CLCNKA: variants seen among roughly 807,000 people sequenced by gnomAD.
CLCNKA encodes the protein chloride channel protein ClC-Ka.
In CLCNKA, 66 loss-of-function variants were observed where a neutral mutation model predicts 83.3. That is an observed-to-expected ratio of 0.79 (90% CI 0.65 to 0.97). CLCNKA has a LOEUF of 0.97. CLCNKA is among the 50% of genes least tolerant of loss of function. The pLI, the probability that CLCNKA is intolerant of heterozygous loss-of-function variation, is 0.00. For synonymous variants in CLCNKA, 357 were observed against 370.4 expected (o/e 0.96, Z 0.42); for missense variants, 806 against 888.7 (o/e 0.91, Z 1.18).
chr1:16,032,268 C>T lies in CLCNKA; in HGVS notation c.1822C>T (p.Pro608Ser), dbSNP rs1351838919. ...GGTGCAGGCCCTCCAGGCTGAGCCT[C>T]CTTCCAGGGCTCCAGGACACCAGGT... ...QLVQALQAEP[P>S]SRAPGHQQCL... is the part of the protein sequence containing the mutation. Residue 608 changes from proline (P) to serine (S), a missense_variant, in exon 17 of 20, where the codon CCT (proline) becomes TCT (serine). By Grantham distance (74) the Pro-to-Ser change is moderately conservative (BLOSUM62 -1). Transcript: ENST00000331433. 6 of 1,612,340 alleles carry T rather than the reference C, an allele frequency of 3.7e-6. No individual in the cohort carries two copies. The African/African-American group carries it at 6.7e-5, about 18-fold the overall frequency.
rs934084621 is a variant in CLCNKA, at chr1:16,024,016, G to C, written c.229+88G>C. 3.9e-6 allele frequency: 6 copies of C among 1,535,496 alleles called. No individual in the cohort carries two copies. The African/African-American group carries it at 8.2e-5, about 21-fold the overall frequency. On this transcript the variant is annotated intron_variant, in intron 3 of 19. Transcript: ENST00000331433. ...CAGATGGGCCACCAAGTGCAGCGGT[G>C]CAGGGACGGACCTGGGTGCGGGGAG...
intron 4 of CLCNKA, 79 bp downstream of exon 4, chr1:16,024,970 G>C: frequency 6.4e-7 from 1 of 1,573,758 alleles, no homozygotes; most frequent in Admixed American, 1.7e-5. Flanking sequence ...GGGGGAATCG[G>C]GAAGCTGCAG....
chr1:16,024,705 T>A, intron 3 of CLCNKA, 58 bp from the exon 4 acceptor site: 1 of 1,609,678 alleles, frequency 6.2e-7, no homozygotes, highest in South Asian at 1.1e-5. Context: ...CACCACAGTG[T>A]CTGGCCCTGA....
chr1:16,030,798 G>A lies in CLCNKA; in HGVS notation c.1622+124G>A, dbSNP rs541895747. 362 of 1,332,374 alleles carry A rather than the reference G, an allele frequency of 2.7e-4. 1 individual carries two copies. The Middle Eastern group carries it at 7.4e-3, about 27-fold the overall frequency. 82.5% of individuals were successfully genotyped at this position (1,332,374 alleles called of 1,614,324 possible). ...ACCTCCGACATGGGGGCTGGGAGGG[G>A]CTGACACACAGCTGTGCTCTCATCT... is the stretch of plus-strand genomic sequence containing the variant. On this transcript the variant is annotated intron_variant, in intron 15 of 19. Coordinates refer to ENST00000331433, the MANE Select transcript of CLCNKA (RefSeq NM_004070.4).
At chr1:16,024,030 G>A (rs2022245111) in intron 3 of CLCNKA, 102 bp downstream of exon 3, 1 of 1,446,840 alleles carries the variant, frequency 6.9e-7, no homozygotes, top group Non-Finnish European at 9.7e-7. Context: ...GGACGGACCT[G>A]GGTGCGGGGA....
Position 16,024,903 on chromosome 1 carries a change from G to T in CLCNKA, c.358+12G>T. The T allele has an allele frequency of 6.2e-7, 1 of 1,613,992 alleles. No individual in the cohort carries two copies. Among genetic ancestry groups the T allele is most frequent in the South Asian group, 1.1e-5 (1 of 91,082 alleles). On this transcript the variant is annotated intron_variant, in intron 4 of 19. Coordinates refer to ENST00000331433, the MANE Select transcript of CLCNKA (RefSeq NM_004070.4). Reference sequence around the variant, plus strand: ...GCCCTCCTCTGGAGGTGAGTCCACGGTCGCCATGCCAGTCCCCAGTGCCAA... The same window carrying T: ...GCCCTCCTCTGGAGGTGAGTCCACGTTCGCCATGCCAGTCCCCAGTGCCAA...
rs3737218 is a variant in CLCNKA at position 16,030,088 on chromosome 1, C to G, written c.1408+13C>G. The G allele has an allele frequency of 6.0e-5, 95 of 1,571,880 alleles. 3 individuals carry two copies. In the South Asian group the frequency reaches 8.7e-4, roughly 14 times the overall value. On this transcript the variant is annotated intron_variant, in intron 14 of 19. Transcript: ENST00000331433. ...TATGCTCTGGCAGGTGAGTGGGTCACGGCCCTGCTGGGTGGGCAATGTCGT... is the reference window on the plus strand; with the variant it reads ...TATGCTCTGGCAGGTGAGTGGGTCAGGGCCCTGCTGGGTGGGCAATGTCGT...
At position 16,030,688 on chromosome 1, in the gene CLCNKA, A is replaced by G; in HGVS notation, c.1622+14A>G. The G allele has an allele frequency of 6.2e-7, 1 of 1,613,038 alleles. No homozygotes were observed. The highest frequency in any genetic ancestry group is 1.1e-5 in the South Asian group (1 of 91,082). On this transcript the variant is annotated intron_variant, in intron 15 of 19. Coordinates refer to ENST00000331433, the MANE Select transcript of CLCNKA (RefSeq NM_004070.4). ...CCGCAACATCGGGTGAGTGGTGCCC[A>G]CCTCAGGCTGACTGAAGGGGGTCAC...
intron 3 of CLCNKA, among the ~76,000 whole-genome samples, chr1:16,024,309 G>A: frequency 6.6e-6 from 1 of 152,238 alleles, no homozygotes; most frequent in East Asian, 1.9e-4. Context: ...CCACCCTGAG[G>A]CCTCCCTGGA....
At position 16,027,839 on chromosome 1, in the gene CLCNKA, A is replaced by G. The variant is rs1013433573; in HGVS notation, c.800A>G (p.Tyr267Cys). The change falls in exon 9 of 20, where the codon TAC becomes TGC. Residue 267 changes from tyrosine to cysteine, a missense_variant. Coordinates refer to ENST00000331433, the MANE Select transcript of CLCNKA (RefSeq NM_004070.4). Reference protein sequence around the residue: ...NSEQETITSLYKTSFRVDVPF... With the variant: ...NSEQETITSLCKTSFRVDVPF... ...TCCCCAGAGACCATCACCTCCCTCT[A>G]CAAGACCAGTTTCCGGGTGGACGTT... 1 of 1,611,784 alleles carries G rather than the reference A, an allele frequency of 6.2e-7. No individual in the cohort carries two copies. The highest frequency in any genetic ancestry group is 2.0e-4 in the Middle Eastern group (1 of 5,022).
chr1:16,023,239 C>T (rs376015851), intron 2 of CLCNKA, among the ~76,000 whole-genome samples: 6 of 152,296 alleles, frequency 3.9e-5, no homozygotes, highest in South Asian at 2.1e-4. Context: ...CTGCAGCCAG[C>T]GGGCCAGGGG....
chr1:16,032,157 G>C (rs1557457094), intron 16 of CLCNKA, 46 bp from the exon 17 acceptor site: 1 of 1,569,348 alleles, frequency 6.4e-7, no homozygotes, highest in Admixed American at 1.7e-5. Context: ...CCTCAGGCCT[G>C]TTTCTTCATA....
At chr1:16,024,918 C>T in intron 4 of CLCNKA, 27 bp downstream of exon 4, 2 of 1,613,764 alleles carry the variant, frequency 1.2e-6, no homozygotes, top group South Asian at 2.2e-5. Flanking sequence ...CATGCCAGTC[C>T]CCAGTGCCAA....
At chr1:16,032,591 T>A in intron 18 of CLCNKA, 65 bp downstream of exon 18, 1 of 1,274,240 alleles carries the variant, frequency 7.8e-7, no homozygotes, top group Non-Finnish European at 1.1e-6. Flanking sequence ...GATGAGGAGC[T>A]CAGGCTCCAG....
Position 16,026,885 on chromosome 1 carries a change from T to G in CLCNKA, c.655+110T>G, listed in dbSNP as rs868805535. On this transcript the variant is annotated intron_variant, in intron 7 of 19. Transcript: ENST00000331433. Reference sequence around the variant, plus strand: ...TGGAGGAGGGGATGGGGCTCATTCTTGTTCTCACTTCAGCCCCGCTTTGGG... The same window carrying G: ...TGGAGGAGGGGATGGGGCTCATTCTGGTTCTCACTTCAGCCCCGCTTTGGG... 10 of 1,434,606 alleles carry G rather than the reference T, an allele frequency of 7.0e-6. No homozygotes were observed. In the East Asian group the frequency reaches 2.4e-4, roughly 34 times the overall value. 88.9% of individuals were successfully genotyped at this position (1,434,606 alleles called of 1,614,324 possible).
Position 16,024,813 on chromosome 1 carries a change from C to T in CLCNKA, c.280C>T (p.Leu94Phe). 1 of 1,614,184 alleles carries T rather than the reference C, an allele frequency of 6.2e-7. No individual in the cohort carries two copies. Among genetic ancestry groups the T allele is most frequent in the Non-Finnish European group, 8.5e-7 (1 of 1,180,028 alleles). The stretch of plus-strand genomic sequence containing the variant: ...TGGGGACAGCCACCTGCTCCGGTAT[C>T]TTTCCTGGACTGTGTACCCTGTGGC... ...EIGDSHLLRY[L>F]SWTVYPVALV... Residue 94 changes from leucine to phenylalanine, a missense_variant, in exon 4 of 20, where the codon CTT becomes TTT. Coordinates refer to ENST00000331433, the MANE Select transcript of CLCNKA (RefSeq NM_004070.4).
At chr1:16,025,567 C>T (rs1414521181) in intron 4 of CLCNKA, among the ~76,000 whole-genome samples, 1 of 152,014 alleles carries the variant, frequency 6.6e-6, no homozygotes, top group Non-Finnish European at 1.5e-5. Context: ...GCCTGTAGTC[C>T]CAGCTACTTG....
At chr1:16,026,283 C>T (rs1189939385) in intron 5 of CLCNKA, 36 bp downstream of exon 5, 4 of 1,608,486 alleles carry the variant, frequency 2.5e-6, no homozygotes, top group South Asian at 2.2e-5. Flanking sequence ...AGCCACCCCG[C>T]CCACCCTACC....
chr1:16,023,184 A>T (rs1230219763), intron 2 of CLCNKA, among the ~76,000 whole-genome samples: 2 of 152,216 alleles, frequency 1.3e-5, no homozygotes, highest in African/African-American at 4.8e-5. Flanking sequence ...GTGCAGTGCC[A>T]GTGGCTGGTG....
Sources: allele counts gnomAD v4.1 joint callset (sites outside exome capture counted in the v4.1 genomes callset), GRCh38; gene constraint gnomAD v4.1.1; transcripts MANE v1.5; gene names NCBI Gene and HGNC (gene_info 2026-07-23, HGNC 2026-07-21).